The following CDH4 variants were observed in gnomAD, a reference collection of about 807,000 sequenced individuals.
The protein encoded by CDH4 is cadherin-4.
A neutral mutation model predicts 86.0 loss-of-function variants in CDH4; 33 were observed. The observed-to-expected ratio is 0.38, with a 90% CI of 0.29 to 0.51. CDH4 has a LOEUF of 0.51. Among genes scored for constraint, CDH4 ranks in the 20% least tolerant of loss-of-function variants. CDH4 has a pLI of 0.86. For synonymous variants in CDH4, 555 were observed against 549.4 expected, an observed-to-expected ratio of 1.01 and a Z score of -0.14; for missense variants, 1,114 against 1,307.4, an observed-to-expected ratio of 0.85 and a Z score of 2.28.
In CDH4 at chr20:61,252,657, G is replaced by A. The variant is rs576345401; in HGVS notation, c.57+87G>A. The A allele has an allele frequency of 6.5e-3, 5,077 of 779,592 alleles. 26 individuals carry two copies. Among genetic ancestry groups the A allele is most frequent in the Non-Finnish European group, 7.9e-3 (4,667 of 590,352 alleles). 48.3% of individuals were successfully genotyped at this position (779,592 alleles called of 1,614,324 possible). A position where few individuals can be genotyped will look rare whatever the true frequency, so the allele number is the denominator to read the frequency against. ...GATCCCGCGGGGCGCTCACACACCC[G>A]GCGGGGCTCTCCCGGGCTCCCCCGC... On this transcript the variant is annotated intron_variant, in intron 1 of 15. Transcript: ENST00000614565. This position sits in a 1 kb window ranked among gnomAD's most constrained non-coding sequence, Gnocchi z 4.4.
chr20:61,625,854 C>G (rs776774907), intron 2 of CDH4, among the ~76,000 whole-genome samples: 15 of 152,226 alleles, frequency 9.9e-5, no homozygotes, highest in Non-Finnish European at 1.6e-4. Flanking sequence ...TGTGACCTAC[C>G]AGGGTCTATA....
chr20:61,711,778 T>A (rs2087895979), intron 2 of CDH4, among the ~76,000 whole-genome samples: 1 of 152,116 alleles, frequency 6.6e-6, no homozygotes, highest in Non-Finnish European at 1.5e-5. Flanking sequence ...TAGCACCGTG[T>A]GCGGGGCTGA....
chr20:61,890,416 G>T (rs1241404307), intron 7 of CDH4, among the ~76,000 whole-genome samples: 1 of 151,010 alleles, frequency 6.6e-6, no homozygotes, highest in Non-Finnish European at 1.5e-5. Flanking sequence ...ATGGATGGAT[G>T]ATGGATGGAT....
rs1370781282 is a variant in CDH4, at chr20:61,775,332, C to T, written c.576+2150C>T. 3.3e-5 allele frequency among the ~76,000 whole-genome samples: 5 copies of T among 152,108 alleles called. No individual in the cohort carries two copies. The South Asian group carries it at 6.3e-4, about 19-fold the overall frequency. ...GACTGAAGGTCACCGAGACAGGGAG[C>T]GGGCTTCCATCATGCTCTTCCACCT... On this transcript the variant is annotated intron_variant, in intron 4 of 15. Transcript: ENST00000614565.
intron 2 of CDH4, among the ~76,000 whole-genome samples, chr20:61,711,784 G>A (rs185603889): frequency 3.3e-4 from 50 of 152,316 alleles, no homozygotes; most frequent in African/African-American, 1.1e-3. Flanking sequence ...CGTGTGCGGG[G>A]CTGAAACATA....
chr20:61,871,214 T>C (rs1477954351), intron 6 of CDH4, among the ~76,000 whole-genome samples: 1 of 152,200 alleles, frequency 6.6e-6, no homozygotes, highest in Non-Finnish European at 1.5e-5. Context: ...TGTTTTATCA[T>C]TTATCACATT....
chr20:61,794,640 T>C (rs895940064), intron 4 of CDH4, among the ~76,000 whole-genome samples: 2 of 152,234 alleles, frequency 1.3e-5, no homozygotes, highest in African/African-American at 4.8e-5. Flanking sequence ...CAGCTTCTGC[T>C]ACAATAGCAC....
At position 61,613,791 on chromosome 20, in the gene CDH4, C is replaced by T. The variant is rs1032057066; in HGVS notation, c.170-129772C>T. 7.9e-5 allele frequency among the ~76,000 whole-genome samples: 12 copies of T among 151,194 alleles called. 1 individual carries two copies. Among genetic ancestry groups the T allele is most frequent in the African/African-American group, 2.4e-4 (10 of 40,962 alleles). On this transcript the variant is annotated intron_variant, in intron 2 of 15. Transcript: ENST00000614565. ...AGTCCACAGCTCTTTGTGGAGCCAT[C>T]GACTCTACAGACTTCTTGCTCTTTG...
rs566996611 is a variant in CDH4 at position 61,909,611 on chromosome 20, C to G, written c.1189-811C>G. On this transcript the variant is annotated intron_variant, in intron 8 of 15. Coordinates refer to ENST00000614565, the MANE Select transcript of CDH4 (RefSeq NM_001794.5). ...TTCCTGGGCTTGTGGTGGCATCACT[C>G]TAGTCTCTGCCCCCATCTCCCACGG... Among the ~76,000 whole-genome samples the G allele has an allele frequency of 4.3e-4, 66 of 152,294 alleles. 2 individuals are homozygous for G. The South Asian group carries it at 0.012, about 27-fold the overall frequency.
At chr20:61,840,456 C>A (rs1307767970) in intron 4 of CDH4, among the ~76,000 whole-genome samples, 1 of 152,236 alleles carries the variant, frequency 6.6e-6, no homozygotes, top group African/African-American at 2.4e-5. Context: ...TCATGTCATC[C>A]AGCCATTTCT....
chr20:61,345,719 A>T (rs2084675507), intron 2 of CDH4, among the ~76,000 whole-genome samples: 1 of 152,202 alleles, frequency 6.6e-6, no homozygotes, highest in African/African-American at 2.4e-5. Flanking sequence ...TCCTGAATGG[A>T]CAGCAAGGAA....
At chr20:61,427,979 A>C (rs2085223978) in intron 2 of CDH4, among the ~76,000 whole-genome samples, 1 of 152,138 alleles carries the variant, frequency 6.6e-6, no homozygotes, top group South Asian at 2.1e-4. Flanking sequence ...GAGAAGTCAA[A>C]ATCCCAGAGA....
intron 2 of CDH4, among the ~76,000 whole-genome samples, chr20:61,282,932 A>ACG (rs2084269111): frequency 8.7e-6 from 1 of 114,454 alleles, no homozygotes; most frequent in African/African-American, 3.2e-5. Context: ...GTGCATTTGC[A>ACG]CGCGTGTGCT....
chr20:61,537,791 T>A (rs548199715), intron 2 of CDH4, among the ~76,000 whole-genome samples: 190 of 152,264 alleles, frequency 1.2e-3, no homozygotes, highest in Admixed American at 3.3e-3. Flanking sequence ...CCTCATTGAG[T>A]TGGAAGCCAA....
chr20:61,697,266 G>A (rs887185142), intron 2 of CDH4, among the ~76,000 whole-genome samples: 1 of 152,168 alleles, frequency 6.6e-6, no homozygotes, highest in African/African-American at 2.4e-5. Flanking sequence ...ACACCCAGGC[G>A]AGTCTGGATC....
At chr20:61,541,342 C>T (rs769006012) in intron 2 of CDH4, among the ~76,000 whole-genome samples, 10 of 152,346 alleles carry the variant, frequency 6.6e-5, no homozygotes, top group Admixed American at 2.0e-4. Context: ...GGATTCACCA[C>T]GACGGTTTTA....
intron 2 of CDH4, among the ~76,000 whole-genome samples, chr20:61,420,617 GAAACC>G (rs2085171952): frequency 3.9e-5 from 6 of 152,240 alleles, no homozygotes; most frequent in Admixed American, 2.6e-4. Context: ...AGACCTAACA[GAAACC>G]CATGCCCAGG....
At chr20:61,601,471 A>G (rs2086600287) in intron 2 of CDH4, among the ~76,000 whole-genome samples, 1 of 152,048 alleles carries the variant, frequency 6.6e-6, no homozygotes, top group African/African-American at 2.4e-5. Flanking sequence ...AGATCTCCGG[A>G]GTCACCTGGG....
At chr20:61,666,369 C>G (rs2087324329) in intron 2 of CDH4, among the ~76,000 whole-genome samples, 1 of 152,224 alleles carries the variant, frequency 6.6e-6, no homozygotes, top group Admixed American at 6.5e-5. Flanking sequence ...GCCGGCACAG[C>G]CAGGGCCACT....
Sources: allele counts gnomAD v4.1 joint callset (sites outside exome capture counted in the v4.1 genomes callset), GRCh38; gene constraint gnomAD v4.1.1; non-coding constraint Gnocchi (gnomAD v3.1); transcripts MANE v1.5; gene names NCBI Gene and HGNC (gene_info 2026-07-23, HGNC 2026-07-21).